Variants in EBF2 observed in about 807,000 individuals in gnomAD.
The protein encoded by EBF2 is transcription factor COE2.
EBF2 carries 21 observed loss-of-function variants against 72.8 expected under a neutral mutation model. That is an observed-to-expected ratio of 0.29 (90% confidence interval 0.20 to 0.42). EBF2 has a LOEUF of 0.42. Among genes scored for constraint, EBF2 ranks in the 10% least tolerant of loss-of-function variants. The pLI is 1.00. For missense variants in EBF2, 637 were observed against 731.2 expected (o/e 0.87, Z 1.49); for synonymous variants, 299 against 274.2 (o/e 1.09, Z -0.89).
At chr8:26,025,566 G>A (rs1805290647) in intron 6 of EBF2, among the ~76,000 whole-genome samples, 1 of 152,102 alleles carries the variant, frequency 6.6e-6, no homozygotes, top group Admixed American at 6.5e-5. Context: ...TTACATGAGT[G>A]AACTTTCCAG....
At chr8:25,939,967 C>T (rs1173851771) in intron 6 of EBF2, among the ~76,000 whole-genome samples, 1 of 152,114 alleles carries the variant, frequency 6.6e-6, no homozygotes, top group Non-Finnish European at 1.5e-5. Flanking sequence ...GATAAAGAAC[C>T]CATTGTCAAG....
At chr8:25,893,600 C>T (rs965914114) in intron 7 of EBF2, among the ~76,000 whole-genome samples, 14 of 152,244 alleles carry the variant, frequency 9.2e-5, no homozygotes, top group African/African-American at 3.4e-4. Context: ...TCTTAATGAG[C>T]TGTCCTAGGC....
chr8:25,862,913 A>C (rs1373176441), intron 10 of EBF2, 116 bp from the exon 11 acceptor site: 1 of 555,364 alleles, frequency 1.8e-6, no homozygotes, highest in Non-Finnish European at 2.8e-6. Context: ...GTAATCAGTT[A>C]GGGTTTTTGC....
At position 25,922,839 on chromosome 8, in the gene EBF2, T is replaced by C. The variant is rs145671708; in HGVS notation, c.552-14284A>G. Among the ~76,000 whole-genome samples the C allele has an allele frequency of 7.0e-4, 107 of 152,000 alleles. 1 individual carries two copies. In the East Asian group the frequency reaches 0.016, roughly 22 times the overall value. On this transcript the variant is annotated intron_variant, in intron 6 of 15. Transcript: ENST00000520164. ...CCTAATTGACACGCTCAGTATCCAA[T>C]AATCTGCAAAAGCCAGAGACCATTT...
At chr8:25,938,384 A>G (rs904020380) in intron 6 of EBF2, among the ~76,000 whole-genome samples, 6 of 151,610 alleles carry the variant, frequency 4.0e-5, no homozygotes, top group African/African-American at 1.5e-4. Flanking sequence ...TGAAAAAAAA[A>G]AAGCCTAGTT....
At chr8:26,018,904 C>T (rs1440258284) in intron 6 of EBF2, among the ~76,000 whole-genome samples, 1 of 137,254 alleles carries the variant, frequency 7.3e-6, no homozygotes, top group East Asian at 2.1e-4. Flanking sequence ...ATTGTATTCA[C>T]TGGACCATCA....
chr8:25,943,977 T>C lies in EBF2; in HGVS notation c.552-35422A>G, dbSNP rs17088232. Among the ~76,000 whole-genome samples, 670 of 152,282 alleles carry C rather than the reference T, an allele frequency of 4.4e-3. 4 individuals are homozygous for C. Among genetic ancestry groups the C allele is most frequent in the African/African-American group, 0.015 (638 of 41,556 alleles). ...CTAGGTGAGAACAGGGTCCCAGTTG[T>C]GTCCCAGACTCGTGGTCTCCAACCA... On this transcript the variant is annotated intron_variant, in intron 6 of 15. Transcript: ENST00000520164.
In EBF2 at chr8:25,978,914, C is replaced by T. The variant is rs1804312694; in HGVS notation, c.551+54171G>A. On this transcript the variant is annotated intron_variant, in intron 6 of 15. Transcript: ENST00000520164. ...AAAGGGTCTGACGCTGGGCGGGGGG[C>T]GGAGTGGTGCGGGTTGGTTCACTCT... Among the ~76,000 whole-genome samples the T allele has an allele frequency of 5.9e-5, 9 of 152,168 alleles. No individual in the cohort carries two copies. In the South Asian group the frequency reaches 1.7e-3, roughly 28 times the overall value.
chr8:26,030,804 T>A (rs1401508261), intron 6 of EBF2, among the ~76,000 whole-genome samples: 3 of 152,186 alleles, frequency 2.0e-5, no homozygotes, highest in Non-Finnish European at 4.4e-5. Flanking sequence ...CACATAAAAC[T>A]CATAATCTGC....
At chr8:25,886,998 C>T (rs1463489964) in intron 9 of EBF2, 117 bp from the exon 10 acceptor site, 31 of 1,137,120 alleles carry the variant, frequency 2.7e-5, no homozygotes, top group Non-Finnish European at 3.8e-5. Flanking sequence ...CTCTGCTCTA[C>T]TCTAACTGGA....
Position 26,025,461 on chromosome 8 carries a change from G to A in EBF2, c.551+7624C>T, listed in dbSNP as rs187929934. ...TGATGGAACGAGCCCATTTATACACGACTAAGGATTTGATTTGCATCAAAT... is the reference window on the plus strand; with the variant it reads ...TGATGGAACGAGCCCATTTATACACAACTAAGGATTTGATTTGCATCAAAT... On this transcript the variant is annotated intron_variant, in intron 6 of 15. Coordinates refer to ENST00000520164, the MANE Select transcript of EBF2 (RefSeq NM_022659.4). Among the ~76,000 whole-genome samples the A allele has an allele frequency of 1.9e-4, 29 of 152,094 alleles. No individual in the cohort carries two copies. The East Asian group carries it at 5.2e-3, about 27-fold the overall frequency.
intron 7 of EBF2, among the ~76,000 whole-genome samples, chr8:25,900,312 TG>T (rs1398890658): frequency 6.6e-6 from 1 of 152,090 alleles, no homozygotes; most frequent in Non-Finnish European, 1.5e-5. Context: ...AAAAATTAGC[TG>T]GTTTTTTGTG....
At chr8:26,013,765 C>A (rs1805065258) in intron 6 of EBF2, among the ~76,000 whole-genome samples, 1 of 151,992 alleles carries the variant, frequency 6.6e-6, no homozygotes, top group South Asian at 2.1e-4. Context: ...TAAAAGAAAA[C>A]CTTGTCGATA....
At chr8:26,035,204 A>T (rs1393869626) in intron 5 of EBF2, among the ~76,000 whole-genome samples, 1 of 151,076 alleles carries the variant, frequency 6.6e-6, no homozygotes, top group East Asian at 1.9e-4. Flanking sequence ...ATGCAGTGAC[A>T]TGATCATGAC....
intron 10 of EBF2, among the ~76,000 whole-genome samples, chr8:25,885,316 G>C (rs1424007457): frequency 6.6e-6 from 1 of 151,874 alleles, no homozygotes; most frequent in Non-Finnish European, 1.5e-5. Context: ...AGTTCACATT[G>C]TTGTACAACC....
chr8:26,007,765 T>C (rs1017676595), intron 6 of EBF2, among the ~76,000 whole-genome samples: 1 of 151,888 alleles, frequency 6.6e-6, no homozygotes, highest in Non-Finnish European at 1.5e-5. Flanking sequence ...GAACCATCAC[T>C]TTCCCGTACA....
chr8:26,036,972 C>G (rs966097297), intron 5 of EBF2, among the ~76,000 whole-genome samples: 3 of 152,078 alleles, frequency 2.0e-5, no homozygotes, highest in African/African-American at 7.2e-5. Flanking sequence ...AGACTGTGTT[C>G]GTAACAACCC....
At chr8:25,978,926 G>T (rs1804312998) in intron 6 of EBF2, among the ~76,000 whole-genome samples, 1 of 152,162 alleles carries the variant, frequency 6.6e-6, no homozygotes, top group Admixed American at 6.5e-5. Context: ...GAGTGGTGCG[G>T]GTTGGTTCAC....
At chr8:25,865,797 G>A (rs957875762) in intron 10 of EBF2, among the ~76,000 whole-genome samples, 4 of 151,158 alleles carry the variant, frequency 2.6e-5, no homozygotes, top group African/African-American at 7.3e-5. Context: ...AGGCTGAGGC[G>A]GGCAGATCAT....
Sources: allele counts gnomAD v4.1 joint callset (sites outside exome capture counted in the v4.1 genomes callset), GRCh38; gene constraint gnomAD v4.1.1; transcripts MANE v1.5; gene names NCBI Gene and HGNC (gene_info 2026-07-23, HGNC 2026-07-21).